Variants in TMEM163 observed in about 807,000 individuals in gnomAD.
TMEM163 encodes the protein transmembrane protein 163.
TMEM163 carries 17 observed loss-of-function variants against 29.3 expected under a neutral mutation model. The observed-to-expected ratio is 0.58, with a 90% CI of 0.40 to 0.87. The LOEUF (loss-of-function observed/expected upper bound fraction) is 0.87. Among genes scored for constraint, TMEM163 ranks in the 40% least tolerant of loss-of-function variants. The pLI, the probability that TMEM163 is intolerant of heterozygous loss-of-function variation, is 0.00. For missense variants in TMEM163, 303 were observed against 381.5 expected (o/e 0.79, Z 1.71); for synonymous variants, 157 against 160.6 (o/e 0.98, Z 0.17).
rs114292057 is a variant in TMEM163, at chr2:134,481,116, C to T, written c.556-14891G>A. 2.1e-3 allele frequency among the ~76,000 whole-genome samples: 324 copies of T among 152,244 alleles called. 1 individual carries two copies. The highest frequency in any genetic ancestry group is 0.013 in the South Asian group (64 of 4,824). Reference sequence around the variant, plus strand: ...TGGTGGGGGAGGGGGACTTAGACTTCGTTTGTCAACATCATGTTTTTGAGA... The same window carrying T: ...TGGTGGGGGAGGGGGACTTAGACTTTGTTTGTCAACATCATGTTTTTGAGA... On this transcript the variant is annotated intron_variant, in intron 5 of 7. Coordinates refer to ENST00000281924, the MANE Select transcript of TMEM163 (RefSeq NM_030923.5).
chr2:134,641,002 A>G (rs1351432037), intron 2 of TMEM163, among the ~76,000 whole-genome samples: 2 of 152,264 alleles, frequency 1.3e-5, no homozygotes, highest in Non-Finnish European at 2.9e-5. Context: ...TACTACAAAC[A>G]GCAAAAAGAA....
At chr2:134,676,182 C>A (rs1684111136) in intron 2 of TMEM163, among the ~76,000 whole-genome samples, 1 of 152,176 alleles carries the variant, frequency 6.6e-6, no homozygotes, top group Non-Finnish European at 1.5e-5. Flanking sequence ...TACACTCTCC[C>A]CATTGCCAAT....
chr2:134,505,200 C>T (rs977221920), intron 4 of TMEM163, among the ~76,000 whole-genome samples: 15 of 151,368 alleles, frequency 9.9e-5, no homozygotes, highest in African/African-American at 2.7e-4. Context: ...CTCAGCACTT[C>T]CCAGCACTGA....
chr2:134,503,273 C>T (rs1679740421), intron 4 of TMEM163, among the ~76,000 whole-genome samples: 1 of 152,198 alleles, frequency 6.6e-6, no homozygotes, highest in Admixed American at 6.5e-5. Context: ...GAAGGGTCTT[C>T]AAGGCCATGA....
intron 3 of TMEM163, among the ~76,000 whole-genome samples, chr2:134,551,476 A>G (rs761723203): frequency 2.6e-5 from 4 of 152,144 alleles, no homozygotes; most frequent in Non-Finnish European, 2.9e-5. Flanking sequence ...AGCTCTCTTT[A>G]TGGGTCACTA....
chr2:134,597,330 T>C (rs1281265664), intron 2 of TMEM163, among the ~76,000 whole-genome samples: 1 of 152,256 alleles, frequency 6.6e-6, no homozygotes, highest in Non-Finnish European at 1.5e-5. Flanking sequence ...TGAAGCATTG[T>C]TGAATTTTGT....
At position 134,687,759 on chromosome 2, in the gene TMEM163, G is replaced by A. The variant is rs181463153; in HGVS notation, c.322+25441C>T. Among the ~76,000 whole-genome samples the A allele has an allele frequency of 1.0e-3, 156 of 152,246 alleles. 1 individual carries two copies. The highest frequency in any genetic ancestry group is 3.4e-3 in the Middle Eastern group (1 of 294). ...AGAAAAGACATCAGTGTGGTAAAAG[G>A]CAGAACCTAGCTTATCAACCAATAA... On this transcript the variant is annotated intron_variant, in intron 2 of 7. Coordinates refer to ENST00000281924, the MANE Select transcript of TMEM163 (RefSeq NM_030923.5).
chr2:134,507,852 G>GTC (rs1014964481), intron 4 of TMEM163, among the ~76,000 whole-genome samples: 1 of 151,564 alleles, frequency 6.6e-6, no homozygotes, highest in Non-Finnish European at 1.5e-5. Context: ...GAGAGACCCT[G>GTC]TCTCACACAC....
chr2:134,629,712 T>A (rs1279755677), intron 2 of TMEM163, among the ~76,000 whole-genome samples: 1 of 152,202 alleles, frequency 6.6e-6, no homozygotes, highest in Non-Finnish European at 1.5e-5. Context: ...TCTATCAAGT[T>A]TTCTAATAAA....
intron 5 of TMEM163, chr2:134,468,160 A>G (rs1194861205): frequency 6.6e-6 from 1 of 152,230 alleles, no homozygotes; most frequent in African/African-American, 2.4e-5. Context: ...CAAAATTCAC[A>G]CATGGAAACC....
chr2:134,496,079 T>TTTA (rs1679550927), intron 5 of TMEM163, among the ~76,000 whole-genome samples: 1 of 149,922 alleles, frequency 6.7e-6, no homozygotes, highest in African/African-American at 2.4e-5. Flanking sequence ...TTTTTTTTTT[T>TTTA]GAGACGGAGT....
At chr2:134,587,929 T>C (rs1351600712) in intron 2 of TMEM163, among the ~76,000 whole-genome samples, 3 of 152,196 alleles carry the variant, frequency 2.0e-5, no homozygotes, top group Non-Finnish European at 2.9e-5. Flanking sequence ...TGAAAAATAA[T>C]CCAGGCAGTT....
At chr2:134,705,238 G>GCCCTAACC (rs1388970302) in intron 2 of TMEM163, among the ~76,000 whole-genome samples, 1 of 151,878 alleles carries the variant, frequency 6.6e-6, no homozygotes, top group African/African-American at 2.4e-5. Flanking sequence ...AAATGTTGAT[G>GCCCTAACC]CCCTAACCCC....
chr2:134,707,784 C>T (rs962777169), intron 2 of TMEM163, among the ~76,000 whole-genome samples: 5 of 151,886 alleles, frequency 3.3e-5, no homozygotes, highest in African/African-American at 1.2e-4. Flanking sequence ...AATGAGGAGG[C>T]TGCCATGTGA....
chr2:134,542,655 C>T (rs1443900875), intron 4 of TMEM163, among the ~76,000 whole-genome samples: 1 of 152,174 alleles, frequency 6.6e-6, no homozygotes, highest in Non-Finnish European at 1.5e-5. Flanking sequence ...CCCCACCCAA[C>T]CCCAGTCCGC....
intron 2 of TMEM163, among the ~76,000 whole-genome samples, chr2:134,610,979 T>C (rs573414764): frequency 6.6e-6 from 1 of 152,256 alleles, no homozygotes; most frequent in Admixed American, 6.5e-5. Context: ...AGCAGCACTA[T>C]TTCACACAAC....
intron 6 of TMEM163, among the ~76,000 whole-genome samples, chr2:134,465,198 A>AAAAAAAAAAAAAAAAAC (rs1352256515): frequency 4.8e-5 from 7 of 144,382 alleles, no homozygotes; most frequent in African/African-American, 2.0e-4. Flanking sequence ...TTAAAAAAAA[A>AAAAAAAAAAAAAAAAAC]AAAAACAAAA....
intron 2 of TMEM163, among the ~76,000 whole-genome samples, chr2:134,584,118 G>T (rs1201327599): frequency 1.3e-5 from 2 of 152,166 alleles, no homozygotes; most frequent in Non-Finnish European, 2.9e-5. Context: ...CAGATGTAAA[G>T]GTTAAATGAT....
In TMEM163 at chr2:134,606,729, G is replaced by A. The variant is rs186197473; in HGVS notation, c.323-54638C>T. 1.7e-3 allele frequency among the ~76,000 whole-genome samples: 257 copies of A among 152,266 alleles called. 2 individuals are homozygous for A. Among genetic ancestry groups the A allele is most frequent in the Non-Finnish European group, 2.4e-3 (166 of 68,018 alleles). ...TCAAGAGGGTCAGTAACAAGCAAACGGCACACAGTGTCCATCAGGAAAGGG... is the reference window on the plus strand; with the variant it reads ...TCAAGAGGGTCAGTAACAAGCAAACAGCACACAGTGTCCATCAGGAAAGGG... On this transcript the variant is annotated intron_variant, in intron 2 of 7. Transcript: ENST00000281924.
Sources: gnomAD v4.1 joint callset for allele counts (sites outside exome capture counted in the v4.1 genomes callset) on GRCh38, gnomAD v4.1.1 for gene constraint, MANE v1.5 for transcripts, NCBI Gene and HGNC (gene_info 2026-07-23, HGNC 2026-07-21) for gene names.